ZNF385C: variants seen among roughly 807,000 people sequenced by gnomAD.
The protein encoded by ZNF385C is zinc finger protein 385C.
Under a neutral mutation model 35.4 loss-of-function variants are expected in ZNF385C, and 28 were observed. The ratio of observed to expected loss-of-function variants is 0.79; its 90% CI spans 0.59 to 1.08. The LOEUF is 1.08. Ranked by LOEUF, ZNF385C falls within the 50% of genes least tolerant of loss-of-function variation. The pLI, the probability that ZNF385C is intolerant of heterozygous loss-of-function variation, is 0.00. For missense variants in ZNF385C, 605 were observed against 595.6 expected (o/e 1.02, Z -0.16); for synonymous variants, 248 against 248.2 (o/e 1.00, Z 0.01).
intron 2 of ZNF385C, among the ~76,000 whole-genome samples, chr17:42,052,650 C>T (rs972017985): frequency 5.9e-5 from 9 of 152,124 alleles, no homozygotes; most frequent in African/African-American, 1.9e-4. Flanking sequence ...TGCACATGAA[C>T]GTACAGACTC....
chr17:42,027,033 C>T lies in ZNF385C; in HGVS notation c.1376G>A (p.Gly459Glu), dbSNP rs2052596240. ...AGGGGCAGGGCGGAGGGCCAGGGGC[C>T]CTGGCAGAGCACAGATGGCAGTGGC... ...TAATAICALP[G>E]PLALRPAPTA... The change falls in exon 9 of 9, where the codon GGG becomes GAG. Residue 459 changes from glycine to glutamate, a missense_variant. By Grantham distance (98) the Gly-to-Glu change is moderately conservative. Coordinates refer to ENST00000692273, the MANE Select transcript of ZNF385C (RefSeq NM_001392013.1). 6.2e-7 allele frequency: 1 copy of T among 1,607,826 alleles called. No homozygotes were observed. Among genetic ancestry groups the T allele is most frequent in the Non-Finnish European group, 8.5e-7 (1 of 1,177,072 alleles).
chr17:42,086,133 T>C (rs1393433578), intron 1 of ZNF385C, among the ~76,000 whole-genome samples: 2 of 152,150 alleles, frequency 1.3e-5, no homozygotes, highest in African/African-American at 4.8e-5. Context: ...GGCTCACGCC[T>C]GTAATCCCAG....
intron 2 of ZNF385C, among the ~76,000 whole-genome samples, chr17:42,056,906 CTCTGG>C (rs1329668909): frequency 6.6e-6 from 1 of 152,140 alleles, no homozygotes; most frequent in Non-Finnish European, 1.5e-5. Context: ...ACTGCCCAGT[CTCTGG>C]TATGTCTTTA....
At chr17:42,071,285 G>A (rs763694623) in intron 1 of ZNF385C, among the ~76,000 whole-genome samples, 35 of 152,168 alleles carry the variant, frequency 2.3e-4, no homozygotes, top group Non-Finnish European at 3.8e-4. Context: ...TTTCAGGAGT[G>A]AGCTGCTGAA....
At chr17:42,078,795 G>C (rs1191219561) in intron 1 of ZNF385C, among the ~76,000 whole-genome samples, 2 of 152,150 alleles carry the variant, frequency 1.3e-5, no homozygotes, top group African/African-American at 2.4e-5. Context: ...AAGATGGAAG[G>C]GGGAGGAGGT....
intron 2 of ZNF385C, chr17:42,043,368 G>C: frequency 1.6e-6 from 2 of 1,232,214 alleles, no homozygotes; most frequent in Non-Finnish European, 2.0e-6. Flanking sequence ...TCTTCCCTGG[G>C]GGCACCATTC....
intron 6 of ZNF385C, 116 bp from the exon 7 acceptor site, chr17:42,028,362 C>T (rs2052646778): frequency 5.7e-6 from 6 of 1,048,526 alleles, no homozygotes; most frequent in South Asian, 3.5e-5. Flanking sequence ...CTGCTCTGTG[C>T]ACACATCGCC....
chr17:42,090,050 C>G (rs1428719728), intron 1 of ZNF385C, among the ~76,000 whole-genome samples: 1 of 152,122 alleles, frequency 6.6e-6, no homozygotes, highest in East Asian at 1.9e-4. Flanking sequence ...TCCTATAACT[C>G]CCCACCTTCC....
intron 5 of ZNF385C, among the ~76,000 whole-genome samples, chr17:42,030,130 C>T (rs571436645): frequency 2.8e-4 from 43 of 152,052 alleles, no homozygotes; most frequent in African/African-American, 8.7e-4. Context: ...TACAGCTACA[C>T]GCAAAAACAT....
At chr17:42,075,878 C>T (rs1598201982) in intron 1 of ZNF385C, among the ~76,000 whole-genome samples, 2 of 152,296 alleles carry the variant, frequency 1.3e-5, no homozygotes, top group African/African-American at 2.4e-5. Flanking sequence ...CTCTGCCCTC[C>T]TCTGTGAATG....
intron 1 of ZNF385C, among the ~76,000 whole-genome samples, chr17:42,077,112 A>T (rs1198287966): frequency 6.6e-6 from 1 of 152,180 alleles, no homozygotes; most frequent in Non-Finnish European, 1.5e-5. Context: ...TGCCTGACAC[A>T]CAGAAAGTAA....
At chr17:42,034,899 G>A (rs2052811547) in intron 3 of ZNF385C, among the ~76,000 whole-genome samples, 1 of 151,806 alleles carries the variant, frequency 6.6e-6, no homozygotes. Flanking sequence ...GGCCAAGATG[G>A]GTGAATCACC....
intron 1 of ZNF385C, among the ~76,000 whole-genome samples, chr17:42,072,848 T>C (rs2053644542): frequency 6.6e-6 from 1 of 151,976 alleles, no homozygotes; most frequent in Non-Finnish European, 1.5e-5. Context: ...CGGGTGAGTA[T>C]CCCGCCTACC....
chr17:42,042,324 C>G (rs564178776), intron 2 of ZNF385C, among the ~76,000 whole-genome samples: 2 of 152,140 alleles, frequency 1.3e-5, no homozygotes, highest in African/African-American at 4.8e-5. Context: ...GAGTTCGAAA[C>G]TGGCCTGGCC....
At chr17:42,072,519 G>A (rs1555658937) in intron 1 of ZNF385C, among the ~76,000 whole-genome samples, 1 of 152,078 alleles carries the variant, frequency 6.6e-6, no homozygotes, top group East Asian at 1.9e-4. Flanking sequence ...GGTCCGGGAT[G>A]GGCGGCGGGG....
At chr17:42,061,522 A>T (rs1362454499) in intron 2 of ZNF385C, 2 of 152,214 alleles carry the variant, frequency 1.3e-5, no homozygotes, top group African/African-American at 4.8e-5. Context: ...TGCCCAGCCA[A>T]TGAGTGACTT....
intron 2 of ZNF385C, among the ~76,000 whole-genome samples, chr17:42,049,056 C>G (rs2053230989): frequency 6.6e-6 from 1 of 152,180 alleles, no homozygotes; most frequent in Non-Finnish European, 1.5e-5. Context: ...ACTGACCTCT[C>G]TGGTGGCCAC....
rs139752073 is a variant in ZNF385C, at chr17:42,091,216, C to T, written c.-3+7194G>A. On this transcript the variant is annotated intron_variant, in intron 1 of 8. Transcript: ENST00000692273. ...CTTTGGGAGGCTGAGGCAGGAGGAT[C>T]GCTTGAGCCCAGGAGTTTGAAACCA... is the stretch of plus-strand genomic sequence containing the variant. Among the ~76,000 whole-genome samples the T allele has an allele frequency of 3.7e-3, 569 of 152,198 alleles. 4 individuals carry two copies. The highest frequency in any genetic ancestry group is 0.013 in the African/African-American group (550 of 41,538).
rs782787838 is a variant in ZNF385C, at chr17:42,027,680, T to C, written c.1213A>G (p.Lys405Glu). ...AGCTTGCTGTGCTGGCTGGAGGGCT[T>C]GGGGGTCTTCCCGGCCAGGCGGTCT... The part of the protein sequence containing the change: ...HKDRLAGKTP[K>E]PSSQHSKLQK... Residue 405 changes from lysine (K) to glutamate (E), a missense_variant, in exon 8 of 9, where the codon AAG (lysine) becomes GAG (glutamate). Lys to Glu is a moderately conservative substitution (Grantham distance 56). Coordinates refer to ENST00000692273, the MANE Select transcript of ZNF385C (RefSeq NM_001392013.1). 10 of 1,612,534 alleles carry C rather than the reference T, an allele frequency of 6.2e-6. No homozygotes were observed. Among genetic ancestry groups the C allele is most frequent in the Admixed American group, 3.4e-5 (2 of 59,548 alleles).
Sources: gnomAD v4.1 joint callset for allele counts (sites outside exome capture counted in the v4.1 genomes callset) on GRCh38, gnomAD v4.1.1 for gene constraint, MANE v1.5 for transcripts, NCBI Gene and HGNC (gene_info 2026-07-23, HGNC 2026-07-21) for gene names.